TMED3: variants seen among roughly 807,000 people sequenced by gnomAD.
TMED3 encodes transmembrane p24 trafficking protein 3, also known as transmembrane emp24 domain-containing protein 3.
A neutral mutation model predicts 15.0 loss-of-function variants in TMED3; 9 were observed. The observed-to-expected ratio is 0.60, with a 90% CI of 0.36 to 1.04. The LOEUF is 1.04. Among genes scored for constraint, TMED3 ranks in the 50% least tolerant of loss-of-function variants. TMED3 has a pLI of 0.01. For missense variants in TMED3, 267 were observed against 278.9 expected, an observed-to-expected ratio of 0.96 and a Z score of 0.30; for synonymous variants, 117 against 121.4, an observed-to-expected ratio of 0.96 and a Z score of 0.24.
At chr15:79,331,997 G>T (rs985007668) in intron 2 of TMED3, among the ~76,000 whole-genome samples, 1 of 152,194 alleles carries the variant, frequency 6.6e-6, no homozygotes, top group Non-Finnish European at 1.5e-5. Context: ...AGGCTGCTGT[G>T]TGCTATGATT....
intron 2 of TMED3, among the ~76,000 whole-genome samples, chr15:79,366,286 C>G (rs544752705): frequency 6.6e-6 from 1 of 152,322 alleles, no homozygotes; most frequent in Admixed American, 6.5e-5. Flanking sequence ...GCCTTTGTTT[C>G]TTTGCAGTCA....
In TMED3 at chr15:79,382,954, A is replaced by G. The variant is rs552586578; in HGVS notation, c.418-28446A>G. Reference sequence around the variant, plus strand: ...AATTACAAGGGCATAAACACGATTTATTTCTTTTCCAAGGGTCCCAGTGCT... The same window carrying G: ...AATTACAAGGGCATAAACACGATTTGTTTCTTTTCCAAGGGTCCCAGTGCT... On this transcript the variant is annotated intron_variant, in intron 2 of 2. Transcript: ENST00000424155. The G allele has an allele frequency of 4.6e-6, 7 of 1,535,288 alleles. No homozygotes were observed. In the Middle Eastern group the frequency reaches 5.0e-4, roughly 110 times the overall value.
intron 2 of TMED3, among the ~76,000 whole-genome samples, chr15:79,370,245 A>G (rs925913493): frequency 6.2e-5 from 9 of 144,722 alleles, no homozygotes; most frequent in African/African-American, 2.3e-4. Flanking sequence ...ATGGGCCACC[A>G]TGCCCAGCTA....
intron 2 of TMED3, among the ~76,000 whole-genome samples, chr15:79,402,595 T>C (rs1761566782): frequency 6.6e-6 from 1 of 151,538 alleles, no homozygotes; most frequent in African/African-American, 2.4e-5. Context: ...CTGGCCAAGA[T>C]GGTGAAACCC....
intron 2 of TMED3, among the ~76,000 whole-genome samples, chr15:79,358,766 A>G (rs977444058): frequency 1.3e-5 from 2 of 152,230 alleles, no homozygotes; most frequent in Non-Finnish European, 2.9e-5. Context: ...GAAAGCAGGC[A>G]GCTTCCATGC....
At chr15:79,349,537 T>A (rs2058884152) in intron 2 of TMED3, among the ~76,000 whole-genome samples, 1 of 152,188 alleles carries the variant, frequency 6.6e-6, no homozygotes, top group South Asian at 2.1e-4. Context: ...AAATTTAATT[T>A]AATTATCCTA....
chr15:79,336,172 G>A (rs1257453224), intron 2 of TMED3, among the ~76,000 whole-genome samples: 2 of 152,200 alleles, frequency 1.3e-5, no homozygotes, highest in East Asian at 3.8e-4. Flanking sequence ...TGTGGAGTCT[G>A]GAGCTACAGA....
chr15:79,322,948 G>A (rs2058774345), downstream of TMED3: 9 of 957,088 alleles, frequency 9.4e-6, no homozygotes, highest in South Asian at 3.9e-4. Context: ...ACCTAGAGAG[G>A]TGCATGGGGT....
At chr15:79,357,451 C>T (rs1270745205) in intron 2 of TMED3, among the ~76,000 whole-genome samples, 2 of 130,594 alleles carry the variant, frequency 1.5e-5, no homozygotes, top group Non-Finnish European at 3.1e-5. Flanking sequence ...TGCCACTGCA[C>T]TCCACCCTGC....
intron 2 of TMED3, among the ~76,000 whole-genome samples, chr15:79,358,267 AGACAGCTGCAAG>A (rs1291632488): frequency 2.0e-5 from 3 of 152,372 alleles, no homozygotes; most frequent in African/African-American, 7.2e-5. Flanking sequence ...CAGGAGAAGC[AGACAGCTGCAAG>A]GTCAGGACTT....
At chr15:79,376,018 T>G (rs1893418084) in intron 2 of TMED3, among the ~76,000 whole-genome samples, 1 of 151,942 alleles carries the variant, frequency 6.6e-6, no homozygotes, top group South Asian at 2.1e-4. Flanking sequence ...TCTTCTACTA[T>G]GCCTCCTTTG....
chr15:79,317,797 C>T (rs2058747374), intron 2 of TMED3, among the ~76,000 whole-genome samples: 1 of 152,222 alleles, frequency 6.6e-6, no homozygotes, highest in African/African-American at 2.4e-5. Context: ...TGGCGACCTT[C>T]TTAACCGAGG....
At chr15:79,402,207 G>A (rs1049344374) in intron 2 of TMED3, among the ~76,000 whole-genome samples, 1 of 152,178 alleles carries the variant, frequency 6.6e-6, no homozygotes, top group Non-Finnish European at 1.5e-5. Context: ...AGAAGAGAAT[G>A]TGCCCCATAG....
chr15:79,365,937 T>A (rs75017733), intron 2 of TMED3, among the ~76,000 whole-genome samples: 1 of 152,308 alleles, frequency 6.6e-6, no homozygotes, highest in East Asian at 1.9e-4. Flanking sequence ...CAGAGACATA[T>A]GTTAAGATGT....
chr15:79,373,823 G>A (rs762689990), intron 2 of TMED3, among the ~76,000 whole-genome samples: 11 of 152,200 alleles, frequency 7.2e-5, no homozygotes, highest in Non-Finnish European at 1.2e-4. Flanking sequence ...AGGACAACTC[G>A]AAGCAGGGGC....
rs115473135 is a variant in TMED3 at position 79,360,597 on chromosome 15, C to A, written c.417+46592C>A. ...CTGTAGTGTGTCACTGTAAAACAGACATCTTTACATATCGTTAGACCGCGA... is the reference window on the plus strand; with the variant it reads ...CTGTAGTGTGTCACTGTAAAACAGAAATCTTTACATATCGTTAGACCGCGA... On this transcript the variant is annotated intron_variant, in intron 2 of 2. Transcript: ENST00000424155. Among the ~76,000 whole-genome samples, 274 of 152,276 alleles carry A rather than the reference C, an allele frequency of 1.8e-3. 4 individuals are homozygous for A. The highest frequency in any genetic ancestry group is 6.4e-3 in the African/African-American group (265 of 41,540).
intron 2 of TMED3, among the ~76,000 whole-genome samples, chr15:79,332,673 C>A (rs1452918186): frequency 6.6e-6 from 1 of 152,216 alleles, no homozygotes; most frequent in African/African-American, 2.4e-5. Context: ...TATCATTCAG[C>A]TGTAAGTGTC....
At chr15:79,395,974 A>T (rs1893757415) in intron 2 of TMED3, among the ~76,000 whole-genome samples, 1 of 152,222 alleles carries the variant, frequency 6.6e-6, no homozygotes, top group African/African-American at 2.4e-5. Context: ...AATCTGGGAA[A>T]TATTTTTTCT....
At chr15:79,339,291 A>G (rs923888272) in intron 2 of TMED3, among the ~76,000 whole-genome samples, 1 of 152,024 alleles carries the variant, frequency 6.6e-6, no homozygotes, top group African/African-American at 2.4e-5. Context: ...TTTGTCTTGT[A>G]TCCAATAAAT....
Sources: gnomAD v4.1 joint callset for allele counts (sites outside exome capture counted in the v4.1 genomes callset) on GRCh38, gnomAD v4.1.1 for gene constraint, MANE v1.5 for transcripts, NCBI Gene and HGNC (gene_info 2026-07-23, HGNC 2026-07-21) for gene names.